Variants in CHN2 observed in about 807,000 individuals in gnomAD.
CHN2 encodes the protein chimerin 2.
In CHN2, 35 loss-of-function variants were observed where a neutral mutation model predicts 56.3. The ratio of observed to expected loss-of-function variants is 0.62; its 90% confidence interval spans 0.47 to 0.82. The LOEUF is 0.82. Ranked by LOEUF, CHN2 falls within the 40% of genes least tolerant of loss-of-function variation. The pLI is 0.00. For synonymous variants in CHN2, 210 were observed against 212.8 expected (o/e 0.99, Z 0.12); for missense variants, 491 against 580.5 (o/e 0.85, Z 1.58).
intron 1 of CHN2, among the ~76,000 whole-genome samples, chr7:29,267,251 T>A (rs928096934): frequency 1.3e-5 from 2 of 151,302 alleles, no homozygotes; most frequent in East Asian, 1.9e-4. Context: ...TTTTTTTTTT[T>A]AATTTTTTTG....
intron 1 of CHN2, among the ~76,000 whole-genome samples, chr7:29,316,331 C>T (rs1794952454): frequency 1.3e-5 from 2 of 152,182 alleles, no homozygotes; most frequent in African/African-American, 4.8e-5. Context: ...TGCCTATAAA[C>T]TTCCATACCT....
chr7:29,501,837 C>G (rs998952805), intron 9 of CHN2, among the ~76,000 whole-genome samples: 7 of 152,182 alleles, frequency 4.6e-5, no homozygotes, highest in Non-Finnish European at 1.0e-4. Flanking sequence ...GTTCATTTGT[C>G]TCTGCGTGAT....
At chr7:29,273,341 G>GTA (rs1562881679) in intron 1 of CHN2, among the ~76,000 whole-genome samples, 1 of 76,634 alleles carries the variant, frequency 1.3e-5, no homozygotes. Flanking sequence ...ATATATATAT[G>GTA]TGTATATATA....
Position 29,512,683 on chromosome 7 carries a change from A to G in CHN2, c.1355A>G (p.Tyr452Cys). 6.2e-7 allele frequency: 1 copy of G among 1,614,242 alleles called. No individual in the cohort carries two copies. Among genetic ancestry groups the G allele is most frequent in the Non-Finnish European group, 8.5e-7 (1 of 1,180,036 alleles). ...STLTTLHDMR[Y>C]QKLIVQILIE... Reference sequence around the variant, plus strand: ...CTGACCACCCTGCATGATATGCGGTACCAAAAGCTGATTGTGCAGATTTTA... The same window carrying G: ...CTGACCACCCTGCATGATATGCGGTGCCAAAAGCTGATTGTGCAGATTTTA... Residue 452 changes from tyrosine (Y) to cysteine (C), a missense_variant, in exon 13 of 13, where the codon TAC becomes TGC. By Grantham distance (194) the Tyr-to-Cys change is radical. Coordinates refer to ENST00000222792, the MANE Select transcript of CHN2 (RefSeq NM_004067.4).
At chr7:29,344,060 A>G (rs963214713) in intron 1 of CHN2, among the ~76,000 whole-genome samples, 1 of 152,070 alleles carries the variant, frequency 6.6e-6, no homozygotes, top group African/African-American at 2.4e-5. Context: ...GCCAGAAGTC[A>G]TGTTCCCTCC....
In CHN2 at chr7:29,209,220, G is replaced by C. The variant is rs143108649; in HGVS notation, c.49+14230G>C. On this transcript the variant is annotated intron_variant, in intron 1 of 12. Transcript: ENST00000222792. ...CCTGAACGGAACAGGGTTCTGTTAAGGGGGAAGAGGGAACCAAGAACATCC... is the reference window on the plus strand; with the variant it reads ...CCTGAACGGAACAGGGTTCTGTTAACGGGGAAGAGGGAACCAAGAACATCC... 4.2e-3 allele frequency among the ~76,000 whole-genome samples: 643 copies of C among 152,248 alleles called. 7 individuals carry two copies. Among genetic ancestry groups the C allele is most frequent in the African/African-American group, 0.014 (602 of 41,526 alleles).
chr7:29,476,365 C>CTT (rs1786582943), intron 6 of CHN2, among the ~76,000 whole-genome samples: 1 of 151,868 alleles, frequency 6.6e-6, no homozygotes, highest in Non-Finnish European at 1.5e-5. Flanking sequence ...GGTGAAACCC[C>CTT]ATCTCTACTA....
intron 6 of CHN2, among the ~76,000 whole-genome samples, chr7:29,431,460 G>A (rs1372283567): frequency 6.6e-6 from 1 of 152,254 alleles, no homozygotes; most frequent in Non-Finnish European, 1.5e-5. Flanking sequence ...CCATAGGGTA[G>A]GGATGCAAAG....
rs762810661 is a variant in CHN2, at chr7:29,483,975, A to G, written c.654+3619A>G. 3.8e-5 allele frequency: 32 copies of G among 839,980 alleles called. No homozygotes were observed. In the South Asian group the frequency reaches 4.0e-4, roughly 11 times the overall value. 52.0% of individuals were successfully genotyped at this position (839,980 alleles called of 1,614,324 possible). On this transcript the variant is annotated intron_variant, in intron 7 of 12. Transcript: ENST00000222792. ...TCACTTATCGTGGTCTCTGGCACCC[A>G]GTAAGTATTCATTTGATGTTAGCAT...
At chr7:29,308,821 C>T (rs1484880660) in intron 1 of CHN2, among the ~76,000 whole-genome samples, 1 of 152,200 alleles carries the variant, frequency 6.6e-6, no homozygotes, top group Non-Finnish European at 1.5e-5. Context: ...TCTCATTAGC[C>T]TCTATGAAAA....
chr7:29,207,068 T>C (rs183792618), intron 1 of CHN2, among the ~76,000 whole-genome samples: 80 of 152,356 alleles, frequency 5.3e-4, no homozygotes, highest in African/African-American at 1.8e-3. Context: ...CTAAAAGTCA[T>C]TGAATTGTTT....
At chr7:29,298,939 A>G (rs1272727984) in intron 1 of CHN2, among the ~76,000 whole-genome samples, 1 of 152,196 alleles carries the variant, frequency 6.6e-6, no homozygotes, top group African/African-American at 2.4e-5. Flanking sequence ...ACTGGGCCTG[A>G]TTATTTGCAT....
Position 29,393,689 on chromosome 7 carries a change from G to T in CHN2, c.155G>T (p.Arg52Ile). The T allele has an allele frequency of 2.3e-6, 2 of 880,870 alleles. No individual in the cohort carries two copies. Among genetic ancestry groups the T allele is most frequent in the Non-Finnish European group, 3.4e-6 (2 of 594,840 alleles). The allele number at this position is 880,870 out of a possible 1,614,324, so 54.6% of individuals were successfully genotyped here. ...TTCTTTTTAATATAGGTGGAAAACA[G>T]ACCAAAATATTATGGAAGAGAGTAT... is the stretch of plus-strand genomic sequence containing the variant. ...RIICPREVEN[R>I]PKYYGREFHG... Residue 52 changes from arginine to isoleucine, a missense_variant, in exon 4 of 13, where the codon AGA becomes ATA. Transcript: ENST00000222792.
intron 2 of CHN2, among the ~76,000 whole-genome samples, chr7:29,148,174 G>A (rs929795801): frequency 1.3e-5 from 2 of 152,212 alleles, no homozygotes; most frequent in African/African-American, 4.8e-5. Context: ...TGCCATTTGG[G>A]GAGGGAATTT....
intron 6 of CHN2, among the ~76,000 whole-genome samples, chr7:29,412,285 C>A (rs1803287772): frequency 6.9e-6 from 1 of 144,496 alleles, no homozygotes. Flanking sequence ...CAGTTAAATG[C>A]ATTTCAGTAA....
intron 1 of CHN2, among the ~76,000 whole-genome samples, chr7:29,351,077 T>A (rs374544645): frequency 7.5e-4 from 97 of 129,910 alleles, no homozygotes; most frequent in African/African-American, 2.9e-3. Flanking sequence ...CACTGCACTC[T>A]AGCGTGGGCA....
At chr7:29,494,770 T>C (rs1199667272) in intron 7 of CHN2, among the ~76,000 whole-genome samples, 2 of 152,038 alleles carry the variant, frequency 1.3e-5, no homozygotes, top group Admixed American at 6.6e-5. Context: ...ACTCATTGGT[T>C]TCCTTAGAAG....
chr7:29,409,416 A>G (rs1240238777), intron 6 of CHN2, among the ~76,000 whole-genome samples: 1 of 152,230 alleles, frequency 6.6e-6, no homozygotes, highest in African/African-American at 2.4e-5. Flanking sequence ...TTTTTGTGAA[A>G]AATAACACTG....
chr7:29,274,254 A>C (rs1790993287), intron 1 of CHN2, among the ~76,000 whole-genome samples: 1 of 152,228 alleles, frequency 6.6e-6, no homozygotes, highest in Admixed American at 6.5e-5. Flanking sequence ...AGCATGAGAC[A>C]GGCTCCTTTC....
Sources: allele counts gnomAD v4.1 joint callset (sites outside exome capture counted in the v4.1 genomes callset), GRCh38; gene constraint gnomAD v4.1.1; transcripts MANE v1.5; gene names NCBI Gene and HGNC (gene_info 2026-07-23, HGNC 2026-07-21).